RIMBP2: variants seen among roughly 807,000 people sequenced by gnomAD.
RIMBP2 encodes the protein RIMS binding protein 2, also known as RIMS-binding protein 2.
RIMBP2 carries 48 observed loss-of-function variants against 118.6 expected under a neutral mutation model. The ratio of observed to expected loss-of-function variants is 0.40; its 90% CI spans 0.32 to 0.51. RIMBP2 has a LOEUF of 0.51. Ranked by LOEUF, RIMBP2 falls within the 20% of genes least tolerant of loss-of-function variation. RIMBP2 has a pLI of 0.41. For synonymous variants in RIMBP2, 762 were observed against 742.9 expected, an observed-to-expected ratio of 1.03 and a Z score of -0.42; for missense variants, 1,551 against 1,768.3, an observed-to-expected ratio of 0.88 and a Z score of 2.20.
chr12:130,597,310 C>G (rs571039161), intron 2 of RIMBP2, among the ~76,000 whole-genome samples: 9 of 152,234 alleles, frequency 5.9e-5, no homozygotes, highest in Non-Finnish European at 5.9e-5. Flanking sequence ...GTGGTGCGAT[C>G]TCTGCTCACT....
intron 3 of RIMBP2, among the ~76,000 whole-genome samples, chr12:130,509,328 A>G (rs1274011671): frequency 6.6e-6 from 1 of 152,170 alleles, no homozygotes; most frequent in African/African-American, 2.4e-5. Context: ...CTGAGGCTTT[A>G]ATGGGCTTCC....
intron 2 of RIMBP2, among the ~76,000 whole-genome samples, chr12:130,607,949 G>A (rs948578762): frequency 7.2e-5 from 11 of 152,172 alleles, no homozygotes; most frequent in Admixed American, 7.2e-4. Flanking sequence ...GCCAGGCGCA[G>A]AAGGTAGGGG....
intron 2 of RIMBP2, among the ~76,000 whole-genome samples, chr12:130,580,949 T>TGTGTGTGTG (rs1555298087): frequency 3.7e-5 from 4 of 108,582 alleles, no homozygotes; most frequent in Admixed American, 9.4e-5. Context: ...GTGTGTGTGT[T>TGTGTGTGTG]TGTTTGTGTG....
At chr12:130,416,972 G>C (rs557508866) in intron 17 of RIMBP2, among the ~76,000 whole-genome samples, 4 of 151,830 alleles carry the variant, frequency 2.6e-5, no homozygotes. Context: ...TTTAAAAAAT[G>C]TATAAAAATA....
chr12:130,629,421 C>T (rs2140936357), intron 1 of RIMBP2, among the ~76,000 whole-genome samples: 1 of 152,308 alleles, frequency 6.6e-6, no homozygotes, highest in Middle Eastern at 3.4e-3. Flanking sequence ...AACAGGCATG[C>T]ATAATGTTAG....
At position 130,611,882 on chromosome 12, in the gene RIMBP2, G is replaced by A. The variant is rs79941956; in HGVS notation, c.-217+16440C>T. On this transcript the variant is annotated intron_variant, in intron 2 of 22. Coordinates refer to ENST00000690449, the MANE Select transcript of RIMBP2 (RefSeq NM_001393629.1). ...TGCCATGCAGGGCGCCTGCAAGAGAGGACCCCAGGTCTAAGAAGTTGCTTT... is the reference window on the plus strand; with the variant it reads ...TGCCATGCAGGGCGCCTGCAAGAGAAGACCCCAGGTCTAAGAAGTTGCTTT... Among the ~76,000 whole-genome samples the A allele has an allele frequency of 2.3e-3, 344 of 152,320 alleles. 4 individuals are homozygous for A. The highest frequency in any genetic ancestry group is 8.0e-3 in the African/African-American group (334 of 41,574).
chr12:130,450,394 C>T lies in RIMBP2; in HGVS notation c.505-118G>A, dbSNP rs904982099. 4.2e-4 allele frequency: 303 copies of T among 727,822 alleles called. 5 individuals are homozygous for T. The highest frequency in any genetic ancestry group is 7.8e-5 in the Non-Finnish European group (32 of 409,538). 45.1% of individuals were successfully genotyped at this position (727,822 alleles called of 1,614,324 possible). On this transcript the variant is annotated intron_variant, in intron 8 of 22. Coordinates refer to ENST00000690449, the MANE Select transcript of RIMBP2 (RefSeq NM_001393629.1). This position sits in a 1 kb window ranked among gnomAD's most constrained non-coding sequence, Gnocchi z 4.8. ...GGGCCCCAGGAGGGACGGCCTGAGA[C>T]TGTGGCACTCCCAGGAGGCACTGCC...
intron 14 of RIMBP2, chr12:130,432,389 C>T (rs1484977032): frequency 2.2e-6 from 1 of 445,752 alleles, no homozygotes; most frequent in Non-Finnish European, 4.5e-6. Context: ...TTTTGCGTGT[C>T]ATGTAATACA....
intron 2 of RIMBP2, among the ~76,000 whole-genome samples, chr12:130,547,327 G>A (rs2055277405): frequency 6.6e-6 from 1 of 152,188 alleles, no homozygotes; most frequent in African/African-American, 2.4e-5. Context: ...CCAAATAATG[G>A]GGGGAAATAT....
chr12:130,464,546 G>A (rs10848104), intron 6 of RIMBP2, among the ~76,000 whole-genome samples: 62,450 of 151,742 alleles, frequency 0.41, 13,064 homozygotes, highest in Middle Eastern at 0.51. Flanking sequence ...CAGGCCCTGC[G>A]TGATTTCATT....
At chr12:130,636,432 G>GT (rs549026940) in intron 1 of RIMBP2, among the ~76,000 whole-genome samples, 3 of 152,086 alleles carry the variant, frequency 2.0e-5, no homozygotes, top group South Asian at 2.1e-4. Context: ...ACCCAGCTTT[G>GT]TTTTTTTACC....
At chr12:130,405,473 C>T (rs554009285) in intron 21 of RIMBP2, among the ~76,000 whole-genome samples, 1 of 152,282 alleles carries the variant, frequency 6.6e-6, no homozygotes, top group East Asian at 1.9e-4. Flanking sequence ...CTGGGCTCTG[C>T]GCAGGGTCCT....
chr12:130,409,647 A>G (rs1165756470), intron 19 of RIMBP2, among the ~76,000 whole-genome samples: 1 of 152,046 alleles, frequency 6.6e-6, no homozygotes, highest in South Asian at 2.1e-4. Context: ...CCGGCCCAGA[A>G]TGTAGCTTTT....
At position 130,450,762 on chromosome 12, in the gene RIMBP2, A is replaced by G. The variant is rs532528606; in HGVS notation, c.504+433T>C. On this transcript the variant is annotated intron_variant, in intron 8 of 22. Coordinates refer to ENST00000690449, the MANE Select transcript of RIMBP2 (RefSeq NM_001393629.1). The surrounding 1 kb of genome is among the most constrained non-coding windows in gnomAD (Gnocchi z 4.8). ...CTTTCAGTGGCTTCACCTCGGACTC[A>G]GACAAAAAGCCAAACGCTGTCCTCT... is the stretch of plus-strand genomic sequence containing the variant. Among the ~76,000 whole-genome samples the G allele has an allele frequency of 1.3e-3, 205 of 151,928 alleles. No individual in the cohort carries two copies. The highest frequency in any genetic ancestry group is 4.8e-3 in the African/African-American group (199 of 41,382).
At chr12:130,704,913 G>A (rs1386933195) in intron 1 of RIMBP2, among the ~76,000 whole-genome samples, 3 of 152,114 alleles carry the variant, frequency 2.0e-5, no homozygotes, top group Non-Finnish European at 4.4e-5. Flanking sequence ...CACGATGGTG[G>A]GGACAGTGAT....
At chr12:130,532,299 A>G (rs2053506932) in intron 2 of RIMBP2, among the ~76,000 whole-genome samples, 1 of 147,892 alleles carries the variant, frequency 6.8e-6, no homozygotes, top group Non-Finnish European at 1.5e-5. Flanking sequence ...AGGTACATCT[A>G]ATGAGATGCG....
At chr12:130,570,103 T>C (rs1230784876) in intron 2 of RIMBP2, among the ~76,000 whole-genome samples, 1 of 152,130 alleles carries the variant, frequency 6.6e-6, no homozygotes, top group Non-Finnish European at 1.5e-5. Flanking sequence ...TCCACTCTCT[T>C]TCCTCTCTCT....
At chr12:130,686,886 G>C (rs935655773) in intron 1 of RIMBP2, among the ~76,000 whole-genome samples, 7 of 152,216 alleles carry the variant, frequency 4.6e-5, no homozygotes, top group South Asian at 2.1e-4. Flanking sequence ...AGAAGGCAGC[G>C]GGGAGAGAAC....
chr12:130,560,131 C>T (rs1056327423), intron 2 of RIMBP2, among the ~76,000 whole-genome samples: 4 of 152,124 alleles, frequency 2.6e-5, no homozygotes, highest in Non-Finnish European at 4.4e-5. Flanking sequence ...CTCTCCCAGA[C>T]GGAGGCAAAA....
Sources: allele counts gnomAD v4.1 joint callset (sites outside exome capture counted in the v4.1 genomes callset), GRCh38; gene constraint gnomAD v4.1.1; non-coding constraint Gnocchi (gnomAD v3.1); transcripts MANE v1.5; gene names NCBI Gene and HGNC (gene_info 2026-07-23, HGNC 2026-07-21).